Variants in PCDHGA11 observed in about 807,000 individuals in gnomAD.
PCDHGA11 encodes the protein protocadherin gamma-A11.
In PCDHGA11, 39 loss-of-function variants were observed where a neutral mutation model predicts 60.4. The observed-to-expected ratio is 0.65, with a 90% CI of 0.50 to 0.84. The LOEUF (loss-of-function observed/expected upper bound fraction) is 0.84, where lower values mean the gene tolerates loss of function less well. Ranked by LOEUF, PCDHGA11 falls within the 40% of genes least tolerant of loss-of-function variation. The pLI is 0.00. For missense variants in PCDHGA11, 1,165 were observed against 1,197.7 expected (o/e 0.97, Z 0.40); for synonymous variants, 533 against 510.3 (o/e 1.04, Z -0.60).
intron 1 of PCDHGA11, chr5:141,430,865 C>G: frequency 6.3e-7 from 1 of 1,595,350 alleles, no homozygotes; most frequent in Non-Finnish European, 8.5e-7. Flanking sequence ...CTATTCAGTT[C>G]CGGAAGAGCT....
At chr5:141,425,363 A>C (rs2096870488) in intron 1 of PCDHGA11, among the ~76,000 whole-genome samples, 1 of 152,212 alleles carries the variant, frequency 6.6e-6, no homozygotes, top group Non-Finnish European at 1.5e-5. Context: ...TGATATTAAG[A>C]GGGTTATGTT....
At chr5:141,483,745 T>C (rs1288301129) in intron 1 of PCDHGA11, among the ~76,000 whole-genome samples, 1 of 152,130 alleles carries the variant, frequency 6.6e-6, no homozygotes, top group Non-Finnish European at 1.5e-5. Flanking sequence ...AGGATATTCC[T>C]GAGGATCGAG....
intron 1 of PCDHGA11, among the ~76,000 whole-genome samples, chr5:141,479,798 G>C (rs892288776): frequency 6.6e-6 from 1 of 152,234 alleles, no homozygotes; most frequent in East Asian, 1.9e-4. Context: ...ATTAATTCAG[G>C]GTGGTATGCA....
At chr5:141,447,230 C>G (rs1309076828) in intron 1 of PCDHGA11, among the ~76,000 whole-genome samples, 1 of 152,132 alleles carries the variant, frequency 6.6e-6, no homozygotes, top group Non-Finnish European at 1.5e-5. Flanking sequence ...ACCTCCGCCT[C>G]CCGGGTTCAA....
At chr5:141,437,459 C>T (rs749625924) in intron 1 of PCDHGA11, among the ~76,000 whole-genome samples, 1 of 152,140 alleles carries the variant, frequency 6.6e-6, no homozygotes, top group Admixed American at 6.5e-5. Context: ...GGAGACTATA[C>T]TATACTTTTA....
At position 141,486,257 on chromosome 5, in the gene PCDHGA11, A is replaced by C; in HGVS notation, c.2434-8550A>C. 6.2e-7 allele frequency: 1 copy of C among 1,614,032 alleles called. No individual in the cohort carries two copies. The highest frequency in any genetic ancestry group is 8.5e-7 in the Non-Finnish European group (1 of 1,179,982). On this transcript the variant is annotated intron_variant, in intron 1 of 3. Transcript: ENST00000398587. The surrounding 1 kb of genome is among the most constrained non-coding windows in gnomAD (Gnocchi z 5.0). ...CTCAGAGCTTGGAACCCTCCCCGAG[A>C]GTGCAGAACCTGGCACTGTGGTGGC... is the stretch of plus-strand genomic sequence containing the variant.
Position 141,512,423 on chromosome 5 carries a change from T to C in PCDHGA11, c.*1250T>C, listed in dbSNP as rs2099884220. ...GATGGGGCTTCTTCAACAGGGCCCC[T>C]GCCCTCCTGAAGCCTCAGTCCTTCA... is the stretch of plus-strand genomic sequence containing the variant. On this transcript the variant is annotated 3_prime_UTR_variant, in exon 4 of 4. Transcript: ENST00000398587. 1 of 152,754 alleles carries C rather than the reference T, an allele frequency of 6.5e-6. No individual in the cohort carries two copies. The highest frequency in any genetic ancestry group is 6.5e-5 in the Admixed American group (1 of 15,274). The allele number at this position is 152,754 out of a possible 1,614,324, so 9.5% of individuals were successfully genotyped here.
At position 141,512,116 on chromosome 5, in the gene PCDHGA11, T is replaced by TTA. The variant is rs2099884085; in HGVS notation, c.*943_*944insTA. On this transcript the variant is annotated 3_prime_UTR_variant, in exon 4 of 4. Coordinates refer to ENST00000398587, the MANE Select transcript of PCDHGA11 (RefSeq NM_018914.3). ...ACTAGGCTGGACCCTTCCCACTACA[T>TTA]AATAGGGCTCAGCCCAGGCAGCCAG... 1 of 152,600 alleles carries TTA rather than the reference T, an allele frequency of 6.6e-6. No homozygotes were observed. The highest frequency in any genetic ancestry group is 2.1e-4 in the South Asian group (1 of 4,832). 9.5% of individuals were successfully genotyped at this position (152,600 alleles called of 1,614,324 possible).
intron 1 of PCDHGA11, chr5:141,433,104 A>G: frequency 6.2e-7 from 1 of 1,614,214 alleles, no homozygotes; most frequent in Non-Finnish European, 8.5e-7. Flanking sequence ...CTCGTCAGCC[A>G]GGAGAGCTTT....
At chr5:141,468,797 C>A (rs191599825) in intron 1 of PCDHGA11, among the ~76,000 whole-genome samples, 1 of 151,770 alleles carries the variant, frequency 6.6e-6, no homozygotes, top group East Asian at 1.9e-4. Context: ...ACCCGGGAGG[C>A]GGAACTTGCA....
At position 141,511,148 on chromosome 5, in the gene PCDHGA11, A is replaced by C; in HGVS notation, c.2783A>C (p.Lys928Thr). Residue 928 changes from lysine to threonine, a missense_variant, in exon 4 of 4, where the codon AAG (lysine) becomes ACG (threonine). Coordinates refer to ENST00000398587, the MANE Select transcript of PCDHGA11 (RefSeq NM_018914.3). ...APAGGNGNKKKSGKKEKK is the reference protein window; with the variant it reads ...APAGGNGNKKTSGKKEKK ...GCAGGTGGCAATGGCAACAAGAAGA[A>C]GTCGGGCAAGAAGGAGAAGAAGTAA... is the stretch of plus-strand genomic sequence containing the variant. The C allele has an allele frequency of 6.2e-7, 1 of 1,614,202 alleles. No individual in the cohort carries two copies. Among genetic ancestry groups the C allele is most frequent in the East Asian group, 2.2e-5 (1 of 44,882 alleles).
At chr5:141,428,226 C>A (rs2154552641) in intron 1 of PCDHGA11, 1 of 1,137,180 alleles carries the variant, frequency 8.8e-7, no homozygotes, top group South Asian at 1.3e-5. Flanking sequence ...TCTTCGCAGA[C>A]AGCCTGCAGG....
chr5:141,487,920 C>G lies in PCDHGA11; in HGVS notation c.2434-6887C>G, dbSNP rs561819225. On this transcript the variant is annotated intron_variant, in intron 1 of 3. Coordinates refer to ENST00000398587, the MANE Select transcript of PCDHGA11 (RefSeq NM_018914.3). This position sits in a 1 kb window ranked among gnomAD's most constrained non-coding sequence, Gnocchi z 5.0. ...TGGAATGTGGGAGCACAGGAGGCTA[C>G]AGTGCACAGGGTACAGTGCACCAGG... The G allele has an allele frequency of 4.7e-6, 3 of 644,662 alleles. No individual in the cohort carries two copies. The Admixed American group carries it at 8.5e-5, about 18-fold the overall frequency. 39.9% of individuals were successfully genotyped at this position (644,662 alleles called of 1,614,324 possible).
chr5:141,487,590 C>G lies in PCDHGA11; in HGVS notation c.2434-7217C>G. 1 of 1,614,160 alleles carries G rather than the reference C, an allele frequency of 6.2e-7. No homozygotes were observed. Among genetic ancestry groups the G allele is most frequent in the Non-Finnish European group, 8.5e-7 (1 of 1,180,040 alleles). ...GAGCCTGTTCGCCCAAGCTGCCCACCCTCTGATCTTCTCTATGGGCTAGAG... is the reference window on the plus strand; with the variant it reads ...GAGCCTGTTCGCCCAAGCTGCCCACGCTCTGATCTTCTCTATGGGCTAGAG... On this transcript the variant is annotated intron_variant, in intron 1 of 3. Transcript: ENST00000398587. The surrounding 1 kb of genome is among the most constrained non-coding windows in gnomAD (Gnocchi z 5.0).
chr5:141,461,813 C>T (rs2099023751), intron 1 of PCDHGA11, among the ~76,000 whole-genome samples: 1 of 151,846 alleles, frequency 6.6e-6, no homozygotes, highest in African/African-American at 2.4e-5. Flanking sequence ...ACCACCACAC[C>T]CAGCTAATTT....
chr5:141,495,032 G>T, intron 2 of PCDHGA11, 167 bp downstream of exon 2: 1 of 967,732 alleles, frequency 1.0e-6, no homozygotes, highest in Non-Finnish European at 1.2e-6. Flanking sequence ...GACCCCGGAA[G>T]GAAGAGGCGA....
chr5:141,508,540 G>A (rs993826709), intron 3 of PCDHGA11, among the ~76,000 whole-genome samples: 3 of 152,144 alleles, frequency 2.0e-5, no homozygotes, highest in African/African-American at 4.8e-5. Flanking sequence ...CCCCCCACGA[G>A]GTGGGCGGGG....
chr5:141,447,023 G>GTTT, intron 1 of PCDHGA11, among the ~76,000 whole-genome samples: 1 of 151,542 alleles, frequency 6.6e-6, no homozygotes, highest in African/African-American at 2.4e-5. Context: ...GTTTTGTTTT[G>GTTT]TTTTTTTTCT....
At chr5:141,458,988 C>T (rs996478276) in intron 1 of PCDHGA11, among the ~76,000 whole-genome samples, 1 of 152,208 alleles carries the variant, frequency 6.6e-6, no homozygotes, top group South Asian at 2.1e-4. Context: ...CTGCCTCACC[C>T]TCCCAAAGTG....
Sources: allele counts gnomAD v4.1 joint callset (sites outside exome capture counted in the v4.1 genomes callset), GRCh38; gene constraint gnomAD v4.1.1; non-coding constraint Gnocchi (gnomAD v3.1); transcripts MANE v1.5; gene names NCBI Gene and HGNC (gene_info 2026-07-23, HGNC 2026-07-21).